SORCS1: variants seen among roughly 807,000 people sequenced by gnomAD.
The protein encoded by SORCS1 is sortilin related VPS10 domain containing receptor 1.
A neutral mutation model predicts 146.1 loss-of-function variants in SORCS1; 60 were observed. The ratio of observed to expected loss-of-function variants is 0.41; its 90% CI spans 0.33 to 0.51. The LOEUF (loss-of-function observed/expected upper bound fraction) is 0.51, where lower values mean the gene tolerates loss of function less well. Among genes scored for constraint, SORCS1 ranks in the 20% least tolerant of loss-of-function variants. The probability of loss-of-function intolerance (pLI) is 0.21; values close to 1 mark genes in which losing one functional copy is unlikely to be tolerated. For synonymous variants in SORCS1, 637 were observed against 584.0 expected, an observed-to-expected ratio of 1.09 and a Z score of -1.31; for missense variants, 1,352 against 1,487.6, an observed-to-expected ratio of 0.91 and a Z score of 1.50.
At chr10:106,911,794 G>T (rs1272867244) in intron 2 of SORCS1, among the ~76,000 whole-genome samples, 2 of 151,984 alleles carry the variant, frequency 1.3e-5, no homozygotes, top group Admixed American at 1.3e-4. Flanking sequence ...TGGAAGCGGG[G>T]GACTCAGGCA....
intron 10 of SORCS1, among the ~76,000 whole-genome samples, chr10:106,681,557 C>T (rs987654877): frequency 6.6e-6 from 1 of 152,114 alleles, no homozygotes; most frequent in African/African-American, 2.4e-5. Context: ...CAGAGCAATG[C>T]CAGGAGTATG....
intron 5 of SORCS1, among the ~76,000 whole-genome samples, chr10:106,732,881 G>A (rs1856696834): frequency 6.6e-6 from 1 of 152,136 alleles, no homozygotes; most frequent in Non-Finnish European, 1.5e-5. Context: ...AGCACTGTGG[G>A]AGGCTAAGGC....
At chr10:106,747,940 A>AT (rs1158921346) in intron 5 of SORCS1, among the ~76,000 whole-genome samples, 1 of 152,214 alleles carries the variant, frequency 6.6e-6, no homozygotes, top group Non-Finnish European at 1.5e-5. Context: ...AATAAAATGA[A>AT]TAAATAATGC....
chr10:107,066,145 A>G (rs1327287403), intron 1 of SORCS1, among the ~76,000 whole-genome samples: 2 of 152,306 alleles, frequency 1.3e-5, no homozygotes, highest in South Asian at 2.1e-4. Context: ...GCATCAAATT[A>G]ATCTACCTGA....
chr10:106,918,479 T>C (rs1383889715), intron 2 of SORCS1, among the ~76,000 whole-genome samples: 3 of 152,146 alleles, frequency 2.0e-5, no homozygotes, highest in African/African-American at 7.2e-5. Flanking sequence ...GTTTTCTTAA[T>C]AGCGAATATC....
chr10:106,981,776 C>T (rs1485363774), intron 1 of SORCS1, among the ~76,000 whole-genome samples: 1 of 152,114 alleles, frequency 6.6e-6, no homozygotes, highest in Non-Finnish European at 1.5e-5. Flanking sequence ...CATCACATTG[C>T]CAAGGAGCAT....
At chr10:106,899,761 C>T (rs750074702) in intron 2 of SORCS1, among the ~76,000 whole-genome samples, 17 of 152,090 alleles carry the variant, frequency 1.1e-4, no homozygotes, top group Non-Finnish European at 1.9e-4. Flanking sequence ...TTCAAAATCC[C>T]TTAACTTCCT....
chr10:106,669,718 G>GCT (rs1851442991), intron 16 of SORCS1, among the ~76,000 whole-genome samples: 1 of 152,212 alleles, frequency 6.6e-6, no homozygotes, highest in African/African-American at 2.4e-5. Context: ...GAAGATTTGA[G>GCT]CTCCAATGTA....
intron 2 of SORCS1, among the ~76,000 whole-genome samples, chr10:106,896,351 C>T (rs1263805997): frequency 6.6e-6 from 1 of 151,288 alleles, no homozygotes; most frequent in Non-Finnish European, 1.5e-5. Context: ...ATTGCTTGAA[C>T]CCAGGAGACA....
In SORCS1 at chr10:106,840,610, T is replaced by C. The variant is rs570499149; in HGVS notation, c.627-10937A>G. On this transcript the variant is annotated intron_variant, in intron 2 of 25. Coordinates refer to ENST00000263054, the MANE Select transcript of SORCS1 (RefSeq NM_052918.5). ...GATGTGAGAGAATGAACTCCAATTT[T>C]CAAAGAAGCCCTACCATGTGTAAAA... 7.9e-5 allele frequency among the ~76,000 whole-genome samples: 12 copies of C among 152,202 alleles called. No homozygotes were observed. The South Asian group carries it at 2.5e-3, about 32-fold the overall frequency.
intron 3 of SORCS1, among the ~76,000 whole-genome samples, chr10:106,826,369 A>C (rs146771830): frequency 1.3e-5 from 2 of 152,356 alleles, no homozygotes; most frequent in African/African-American, 4.8e-5. Flanking sequence ...ACAACTTTTT[A>C]AAGGAGTCTG....
chr10:106,895,798 G>C (rs1951450598), intron 2 of SORCS1, among the ~76,000 whole-genome samples: 1 of 152,134 alleles, frequency 6.6e-6, no homozygotes, highest in African/African-American at 2.4e-5. Flanking sequence ...TGTCCAAACA[G>C]AGTCTCAAAG....
chr10:106,950,267 G>C (rs957744736), intron 2 of SORCS1, among the ~76,000 whole-genome samples: 5 of 152,186 alleles, frequency 3.3e-5, no homozygotes, highest in Non-Finnish European at 5.9e-5. Flanking sequence ...TCATTAATTT[G>C]GTACAGTGAC....
At chr10:106,739,967 A>T (rs990040178) in intron 5 of SORCS1, among the ~76,000 whole-genome samples, 1 of 151,384 alleles carries the variant, frequency 6.6e-6, no homozygotes, top group Non-Finnish European at 1.5e-5. Context: ...AAAAAAAAAA[A>T]GAAAATTTAA....
chr10:106,714,430 T>C (rs895849278), intron 6 of SORCS1, among the ~76,000 whole-genome samples: 2 of 152,136 alleles, frequency 1.3e-5, no homozygotes, highest in East Asian at 3.9e-4. Flanking sequence ...ATTATTCCAA[T>C]GTTAATTTCC....
At chr10:107,174,299 G>A in the SORCS1 span, among the ~76,000 whole-genome samples, 1 of 152,026 alleles carries the variant, frequency 6.6e-6, no homozygotes, top group Non-Finnish European at 1.5e-5. Flanking sequence ...TTCGCCTCCC[G>A]GGTTCACGCC....
chr10:106,671,970 A>G (rs1851639485), intron 15 of SORCS1, among the ~76,000 whole-genome samples: 1 of 152,182 alleles, frequency 6.6e-6, no homozygotes, highest in Non-Finnish European at 1.5e-5. Flanking sequence ...ATGTAAATGA[A>G]CGATTCTATT....
intron 6 of SORCS1, among the ~76,000 whole-genome samples, chr10:106,715,481 G>A (rs116394925): frequency 1.5e-3 from 227 of 152,350 alleles, no homozygotes; most frequent in African/African-American, 5.0e-3. Flanking sequence ...AGGTTTAAAT[G>A]CAGGCTCAAG....
At chr10:106,628,129 A>G (rs928296852) in intron 19 of SORCS1, among the ~76,000 whole-genome samples, 3 of 152,316 alleles carry the variant, frequency 2.0e-5, no homozygotes, top group African/African-American at 7.2e-5. Context: ...AGACCCAAAT[A>G]AAGGAGTGCA....
Sources: gnomAD v4.1 joint callset for allele counts (sites outside exome capture counted in the v4.1 genomes callset) on GRCh38, gnomAD v4.1.1 for gene constraint, MANE v1.5 for transcripts, NCBI Gene and HGNC (gene_info 2026-07-23, HGNC 2026-07-21) for gene names.